Variants in BANP observed in about 807,000 individuals in gnomAD.
BANP encodes the protein protein BANP.
A neutral mutation model predicts 68.1 loss-of-function variants in BANP; 11 were observed. The observed-to-expected ratio is 0.16, with a 90% CI of 0.10 to 0.27. The LOEUF is 0.27. Ranked by LOEUF, BANP falls within the 10% of genes least tolerant of loss-of-function variation. The pLI is 1.00. For missense variants in BANP, 504 were observed against 722.7 expected (o/e 0.70, Z 3.47); for synonymous variants, 329 against 303.2 (o/e 1.09, Z -0.88).
intron 1 of BANP, among the ~76,000 whole-genome samples, chr16:87,965,675 A>T (rs1469824474): frequency 1.3e-5 from 2 of 152,048 alleles, no homozygotes; most frequent in African/African-American, 2.4e-5. Flanking sequence ...TTGGATGTGG[A>T]TTCTCTCCCC....
intron 1 of BANP, among the ~76,000 whole-genome samples, chr16:87,962,791 A>G (rs1001970965): frequency 2.6e-5 from 4 of 152,140 alleles, no homozygotes; most frequent in Admixed American, 1.3e-4. Flanking sequence ...GCATCCGATC[A>G]GTCATTTATA....
At chr16:87,984,748 C>A (rs908315905) in intron 4 of BANP, among the ~76,000 whole-genome samples, 17 of 152,158 alleles carry the variant, frequency 1.1e-4, no homozygotes, top group African/African-American at 4.1e-4. Context: ...TTGAGTAGAA[C>A]CTTTATGATG....
chr16:88,006,297 C>A (rs779973858), intron 6 of BANP, 32 bp downstream of exon 6: 2 of 1,554,042 alleles, frequency 1.3e-6, no homozygotes, highest in Non-Finnish European at 8.7e-7. Context: ...TCGGCCAGAG[C>A]GCCAGTACAA....
intron 4 of BANP, among the ~76,000 whole-genome samples, chr16:87,985,242 G>A (rs62054047): frequency 1.3e-5 from 2 of 152,198 alleles, no homozygotes; most frequent in African/African-American, 2.4e-5. Context: ...TTGAACTCTC[G>A]GGCATGCCGG....
intron 11 of BANP, among the ~76,000 whole-genome samples, chr16:88,063,920 AT>A (rs1407475739): frequency 3.3e-5 from 5 of 152,256 alleles, no homozygotes; most frequent in Non-Finnish European, 7.3e-5. Context: ...CTGGGAATGC[AT>A]TTGAAAAGTC....
At position 87,984,269 on chromosome 16, in the gene BANP, G is replaced by C. The variant is rs746061067; in HGVS notation, c.362+10G>C. The C allele has an allele frequency of 3.2e-6, 5 of 1,564,680 alleles. No homozygotes were observed. The East Asian group carries it at 9.6e-5, about 30-fold the overall frequency. ...GCAACAAAGTGCGATGGTAAGAACA[G>C]ACCAGGGTGCCGGGGCCTTCAGGTC... On this transcript the variant is annotated intron_variant, in intron 4 of 13. Coordinates refer to ENST00000682872, the MANE Select transcript of BANP (RefSeq NM_001386991.1).
rs1042473237 is a variant in BANP at position 87,981,279 on chromosome 16, C to T, written c.162+152C>T. 4.6e-6 allele frequency: 3 copies of T among 658,694 alleles called. No homozygotes were observed. The East Asian group carries it at 8.2e-5, about 18-fold the overall frequency. 40.8% of individuals were successfully genotyped at this position (658,694 alleles called of 1,614,324 possible). A position where few individuals can be genotyped will look rare whatever the true frequency, so the allele number is the denominator to read the frequency against. ...ATCAAGATGCAGGCAGGGTCTCGCT[C>T]CCTCCAAAGGTTCTAGAAGGTGGAT... On this transcript the variant is annotated intron_variant, in intron 3 of 13. Coordinates refer to ENST00000682872, the MANE Select transcript of BANP (RefSeq NM_001386991.1).
chr16:88,024,262 G>C (rs963080880), intron 7 of BANP, among the ~76,000 whole-genome samples: 1 of 152,196 alleles, frequency 6.6e-6, no homozygotes, highest in African/African-American at 2.4e-5. Context: ...GGCCCAGGAA[G>C]CTTGCACTTT....
intron 13 of BANP, among the ~76,000 whole-genome samples, chr16:88,075,181 A>G (rs2091318121): frequency 6.6e-6 from 1 of 152,144 alleles, no homozygotes; most frequent in African/African-American, 2.4e-5. Flanking sequence ...CCCCATCTCT[A>G]CTAAAAATAC....
chr16:87,955,272 G>GA (rs2057816503), intron 1 of BANP, among the ~76,000 whole-genome samples: 1 of 152,232 alleles, frequency 6.6e-6, no homozygotes, highest in African/African-American at 2.4e-5. Context: ...GGGGCCAGCT[G>GA]TGTCCATCAG....
chr16:88,013,995 G>A (rs756736010), intron 6 of BANP, among the ~76,000 whole-genome samples: 12 of 152,194 alleles, frequency 7.9e-5, no homozygotes, highest in African/African-American at 1.4e-4. Flanking sequence ...GCTGTGAGCC[G>A]CAAACACAGG....
rs1234174465 is a variant in BANP, at chr16:87,951,503, C to T, written c.-81C>T. The T allele has an allele frequency of 6.5e-6, 1 of 152,808 alleles. No homozygotes were observed. Among genetic ancestry groups the T allele is most frequent in the African/African-American group, 2.4e-5 (1 of 41,390 alleles). The allele number at this position is 152,808 out of a possible 1,614,324, so 9.5% of individuals were successfully genotyped here. ...TCCCCGACAAACACCACGAGAATTC[C>T]GCAGCCCACACGGTAATTGCAGCTC... On this transcript the variant is annotated 5_prime_UTR_variant, in exon 1 of 14. Coordinates refer to ENST00000682872, the MANE Select transcript of BANP (RefSeq NM_001386991.1).
At chr16:88,061,603 A>C (rs2086809446) in intron 11 of BANP, among the ~76,000 whole-genome samples, 1 of 152,154 alleles carries the variant, frequency 6.6e-6, no homozygotes, top group South Asian at 2.1e-4. Context: ...ACGTAGGAGA[A>C]AGATTTTAGG....
chr16:87,996,980 A>G (rs1488082473), intron 4 of BANP, among the ~76,000 whole-genome samples: 1 of 152,212 alleles, frequency 6.6e-6, no homozygotes, highest in Non-Finnish European at 1.5e-5. Context: ...GTGGTCCACG[A>G]GCAACAGGGG....
At chr16:88,059,416 G>A (rs2086081202) in intron 11 of BANP, among the ~76,000 whole-genome samples, 1 of 152,068 alleles carries the variant, frequency 6.6e-6, no homozygotes, top group Non-Finnish European at 1.5e-5. Context: ...CTGTCACTGG[G>A]TTCGGGCCCA....
intron 4 of BANP, among the ~76,000 whole-genome samples, chr16:87,992,150 A>G (rs2066016723): frequency 6.6e-6 from 1 of 152,190 alleles, no homozygotes; most frequent in Admixed American, 6.5e-5. Flanking sequence ...TTCTTTTGTT[A>G]AAGTGAATTA....
intron 11 of BANP, among the ~76,000 whole-genome samples, chr16:88,041,732 T>C (rs192977959): frequency 6.6e-6 from 1 of 152,324 alleles, no homozygotes; most frequent in Admixed American, 6.5e-5. Context: ...TTACATCTGG[T>C]GCTGGGTTGC....
chr16:87,996,554 G>A (rs944630180), intron 4 of BANP, among the ~76,000 whole-genome samples: 4 of 137,942 alleles, frequency 2.9e-5, no homozygotes, highest in Admixed American at 7.3e-5. Flanking sequence ...CCTGGGCGCC[G>A]GCTGGGCTCT....
intron 1 of BANP, chr16:87,963,352 G>A (rs1215237547): frequency 6.6e-6 from 1 of 152,254 alleles, no homozygotes; most frequent in Non-Finnish European, 1.5e-5. Flanking sequence ...TTTTACAGCA[G>A]GGAATATACT....
Sources: gnomAD v4.1 joint callset for allele counts (sites outside exome capture counted in the v4.1 genomes callset) on GRCh38, gnomAD v4.1.1 for gene constraint, MANE v1.5 for transcripts, NCBI Gene and HGNC (gene_info 2026-07-23, HGNC 2026-07-21) for gene names.